NDST3: variants seen among roughly 807,000 people sequenced by gnomAD.
NDST3 encodes the protein N-deacetylase and N-sulfotransferase 3, also known as bifunctional heparan sulfate N-deacetylase/N-sulfotransferase 3.
Under a neutral mutation model 96.1 loss-of-function variants are expected in NDST3, and 58 were observed. That is an observed-to-expected ratio of 0.60 (90% CI 0.49 to 0.75). The LOEUF (loss-of-function observed/expected upper bound fraction) is 0.75, where lower values mean the gene tolerates loss of function less well. Ranked by LOEUF, NDST3 falls within the 30% of genes least tolerant of loss-of-function variation. NDST3 has a pLI of 0.00. For synonymous variants in NDST3, 333 were observed against 359.7 expected (o/e 0.93, Z 0.84); for missense variants, 788 against 1,034.2 (o/e 0.76, Z 3.27).
intron 6 of NDST3, among the ~76,000 whole-genome samples, chr4:118,202,673 G>GA (rs1266180061): frequency 6.6e-6 from 1 of 152,198 alleles, no homozygotes; most frequent in Non-Finnish European, 1.5e-5. Context: ...TTTGTAACCT[G>GA]AAACTTTACT....
At chr4:118,244,643 T>C (rs615837) in intron 12 of NDST3, among the ~76,000 whole-genome samples, 125,235 of 152,126 alleles carry the variant, frequency 0.82, 53,543 homozygotes, top group South Asian at 0.95. Flanking sequence ...GCAATCTTGG[T>C]GTGAAAGAGT....
At chr4:118,089,593 A>G (rs1194549240) in intron 2 of NDST3, among the ~76,000 whole-genome samples, 1 of 151,956 alleles carries the variant, frequency 6.6e-6, no homozygotes, top group Non-Finnish European at 1.5e-5. Flanking sequence ...TACAACATAA[A>G]CAAATGTGAT....
chr4:118,176,068 C>T (rs1383164766), intron 6 of NDST3, among the ~76,000 whole-genome samples: 1 of 151,902 alleles, frequency 6.6e-6, no homozygotes, highest in Non-Finnish European at 1.5e-5. Context: ...AAAAGTTTGC[C>T]ATATTAAAGG....
intron 10 of NDST3, among the ~76,000 whole-genome samples, chr4:118,237,876 G>A (rs907072543): frequency 9.2e-5 from 14 of 151,648 alleles, no homozygotes; most frequent in African/African-American, 3.2e-4. Flanking sequence ...TGGAAGGTGG[G>A]AAGATTGTTT....
At position 118,131,875 on chromosome 4, in the gene NDST3, C is replaced by A. The variant is rs189034358; in HGVS notation, c.1225-6179C>A. Among the ~76,000 whole-genome samples, 125 of 152,218 alleles carry A rather than the reference C, an allele frequency of 8.2e-4. 1 individual carries two copies. The highest frequency in any genetic ancestry group is 1.3e-3 in the Non-Finnish European group (86 of 68,004). On this transcript the variant is annotated intron_variant, in intron 4 of 13. Transcript: ENST00000296499. Reference sequence around the variant, plus strand: ...GGCTCTGGATTAATAGGCAGAGATTCTTGTTCATTTCCCTTAGTTTCTCCC... The same window carrying A: ...GGCTCTGGATTAATAGGCAGAGATTATTGTTCATTTCCCTTAGTTTCTCCC...
chr4:118,047,207 C>A (rs978484903), intron 1 of NDST3, among the ~76,000 whole-genome samples: 3 of 152,220 alleles, frequency 2.0e-5, no homozygotes, highest in African/African-American at 7.2e-5. Flanking sequence ...CAAATAAAGG[C>A]CCTATAGAGA....
At chr4:118,113,382 T>A (rs923294177) in intron 3 of NDST3, among the ~76,000 whole-genome samples, 5 of 152,356 alleles carry the variant, frequency 3.3e-5, no homozygotes, top group Admixed American at 3.3e-4. Flanking sequence ...TTCCTTCATA[T>A]CAGTAGAGTA....
Position 118,253,253 on chromosome 4 carries a change from A to G in NDST3, c.2400-246A>G, listed in dbSNP as rs1741871894. Among the ~76,000 whole-genome samples, 2 of 152,138 alleles carry G rather than the reference A, an allele frequency of 1.3e-5. 1 individual carries two copies. The highest frequency in any genetic ancestry group is 2.9e-5 in the Non-Finnish European group (2 of 68,022). On this transcript the variant is annotated intron_variant, in intron 12 of 13. Coordinates refer to ENST00000296499, the MANE Select transcript of NDST3 (RefSeq NM_004784.3). Reference sequence around the variant, plus strand: ...TCTATTAATAGGAGATGTGCTGACAATTTTTCTGTTAGGAACCTGGCAAAC... The same window carrying G: ...TCTATTAATAGGAGATGTGCTGACAGTTTTTCTGTTAGGAACCTGGCAAAC...
chr4:118,142,622 C>T (rs1267169959), intron 5 of NDST3, among the ~76,000 whole-genome samples: 1 of 152,178 alleles, frequency 6.6e-6, no homozygotes, highest in Non-Finnish European at 1.5e-5. Flanking sequence ...AAGCAGAAGA[C>T]CTGTCCCTAT....
At chr4:118,240,869 A>G (rs563584697) in intron 11 of NDST3, among the ~76,000 whole-genome samples, 175 bp downstream of exon 11, 2 of 152,224 alleles carry the variant, frequency 1.3e-5, no homozygotes, top group Non-Finnish European at 2.9e-5. Flanking sequence ...TAATTTTCTA[A>G]GAGTATTTCA....
At chr4:118,043,497 A>G (rs1724585581) in intron 1 of NDST3, among the ~76,000 whole-genome samples, 2 of 152,246 alleles carry the variant, frequency 1.3e-5, no homozygotes, top group Admixed American at 6.5e-5. Context: ...AAGACCATGT[A>G]TACCCACTGG....
intron 1 of NDST3, among the ~76,000 whole-genome samples, chr4:118,050,225 C>T (rs1324078954): frequency 6.6e-6 from 1 of 151,998 alleles, no homozygotes; most frequent in Non-Finnish European, 1.5e-5. Flanking sequence ...ATTAAAGGAA[C>T]ATATCTTAAA....
chr4:118,250,463 C>T (rs1333036615), intron 12 of NDST3, among the ~76,000 whole-genome samples: 1 of 150,148 alleles, frequency 6.7e-6, no homozygotes, highest in Non-Finnish European at 1.5e-5. Flanking sequence ...CATATGTGTT[C>T]TTTGGTGAAG....
At chr4:118,223,408 C>G (rs1739671862) in intron 6 of NDST3, among the ~76,000 whole-genome samples, 1 of 152,006 alleles carries the variant, frequency 6.6e-6, no homozygotes, top group Non-Finnish European at 1.5e-5. Context: ...TCTGCTGGTA[C>G]AGACAGCTAT....
At chr4:118,106,777 C>T (rs534002642) in intron 3 of NDST3, among the ~76,000 whole-genome samples, 1 of 152,018 alleles carries the variant, frequency 6.6e-6, no homozygotes, top group Non-Finnish European at 1.5e-5. Context: ...AGCAACAGAG[C>T]AAGAATCTGT....
intron 6 of NDST3, among the ~76,000 whole-genome samples, chr4:118,148,025 G>A (rs1051277525): frequency 6.6e-5 from 10 of 152,210 alleles, no homozygotes; most frequent in African/African-American, 1.4e-4. Context: ...TGGGCCAGGC[G>A]CAGTGGCTCA....
intron 2 of NDST3, among the ~76,000 whole-genome samples, chr4:118,085,173 CTT>C (rs916082927): frequency 2.0e-5 from 3 of 152,042 alleles, no homozygotes; most frequent in Non-Finnish European, 4.4e-5. Context: ...GGGAAATAAT[CTT>C]AACATTAGAA....
chr4:118,066,195 AT>A (rs1726362550), intron 2 of NDST3, among the ~76,000 whole-genome samples: 1 of 47,392 alleles, frequency 2.1e-5, no homozygotes, highest in Non-Finnish European at 3.8e-5. Flanking sequence ...TATCTTATAT[AT>A]TATATTTTAT....
chr4:118,173,282 G>C (rs930324309), intron 6 of NDST3, among the ~76,000 whole-genome samples: 1 of 151,996 alleles, frequency 6.6e-6, no homozygotes, highest in Non-Finnish European at 1.5e-5. Context: ...TGCATAATTG[G>C]ACCAAAGGAA....
Sources: gnomAD v4.1 joint callset for allele counts (sites outside exome capture counted in the v4.1 genomes callset) on GRCh38, gnomAD v4.1.1 for gene constraint, MANE v1.5 for transcripts, NCBI Gene and HGNC (gene_info 2026-07-23, HGNC 2026-07-21) for gene names.